COL18A1: variants seen among roughly 807,000 people sequenced by gnomAD.
The protein encoded by COL18A1 is collagen type XVIII alpha 1 chain.
Under a neutral mutation model 168.0 loss-of-function variants are expected in COL18A1, and 133 were observed. The ratio of observed to expected loss-of-function variants is 0.79; its 90% CI spans 0.69 to 0.91. The LOEUF (loss-of-function observed/expected upper bound fraction) is 0.91, where lower values mean the gene tolerates loss of function less well. Ranked by LOEUF, COL18A1 falls within the 40% of genes least tolerant of loss-of-function variation. The pLI, the probability that COL18A1 is intolerant of heterozygous loss-of-function variation, is 0.00. For missense variants in COL18A1, 2,126 were observed against 1,925.4 expected (o/e 1.10, Z -1.95); for synonymous variants, 949 against 809.0 (o/e 1.17, Z -2.94).
chr21:45,430,989 G>T (rs2042772967), intron 2 of COL18A1, among the ~76,000 whole-genome samples: 2 of 152,248 alleles, frequency 1.3e-5, no homozygotes, highest in Non-Finnish European at 2.9e-5. Flanking sequence ...TAAGTCCCGG[G>T]GTGCCCTTGC....
intron 2 of COL18A1, among the ~76,000 whole-genome samples, chr21:45,437,652 G>A (rs1448236360): frequency 3.1e-5 from 1 of 32,558 alleles, no homozygotes; most frequent in Non-Finnish European, 5.1e-5. Flanking sequence ...GCACTCTCCT[G>A]CACACACACA....
chr21:45,428,620 C>A (rs1012718325), intron 2 of COL18A1, among the ~76,000 whole-genome samples: 1 of 152,180 alleles, frequency 6.6e-6, no homozygotes, highest in Non-Finnish European at 1.5e-5. Context: ...TGGGCCATCA[C>A]GCAGCCACCG....
At chr21:45,417,823 G>A in intron 2 of COL18A1, among the ~76,000 whole-genome samples, 1 of 152,250 alleles carries the variant, frequency 6.6e-6, no homozygotes, top group East Asian at 1.9e-4. Flanking sequence ...GCTGCTCTGT[G>A]GAAAACGCTA....
At chr21:45,436,334 C>A (rs770536720) in intron 2 of COL18A1, among the ~76,000 whole-genome samples, 2 of 152,202 alleles carry the variant, frequency 1.3e-5, no homozygotes, top group Non-Finnish European at 2.9e-5. Flanking sequence ...ACCCGGGGCC[C>A]ATCCAGCGTG....
chr21:45,495,017 C>T (rs942690020), intron 28 of COL18A1, 102 bp downstream of exon 28: 53 of 1,027,716 alleles, frequency 5.2e-5, no homozygotes, highest in Admixed American at 4.5e-4. Context: ...AGTGGACGGC[C>T]GCCGCACCCA....
At chr21:45,453,925 C>T (rs902519369) in intron 2 of COL18A1, among the ~76,000 whole-genome samples, 5 of 152,174 alleles carry the variant, frequency 3.3e-5, no homozygotes, top group Admixed American at 1.3e-4. Context: ...ACAGAGCCTT[C>T]GGGATGGGGC....
At position 45,463,184 on chromosome 21, in the gene COL18A1, A is replaced by G. The variant is rs984778059; in HGVS notation, c.107-5058A>G. Among the ~76,000 whole-genome samples the G allele has an allele frequency of 1.3e-5, 2 of 152,246 alleles. No homozygotes were observed. The highest frequency in any genetic ancestry group is 4.8e-5 in the African/African-American group (2 of 41,464). On this transcript the variant is annotated intron_variant, in intron 2 of 41. Coordinates refer to ENST00000651438, the MANE Select transcript of COL18A1 (RefSeq NM_001379500.1). This position sits in a 1 kb window ranked among gnomAD's most constrained non-coding sequence, Gnocchi z 4.0. ...CAGCTTGCAACAACAGAGGGAGTGT[A>G]AAACAATGGCCCCACCTCCCTGTCT...
chr21:45,477,632 C>A, intron 7 of COL18A1, 118 bp from the exon 8 acceptor site: 1 of 1,259,130 alleles, frequency 7.9e-7, no homozygotes, highest in Non-Finnish European at 1.1e-6. Flanking sequence ...TGCGTCCACC[C>A]TGCGTGTCCA....
chr21:45,482,772 T>C (rs1311765165), intron 14 of COL18A1, 23 bp from the exon 15 acceptor site: 1 of 1,614,110 alleles, frequency 6.2e-7, no homozygotes, highest in African/African-American at 1.3e-5. Context: ...GATTTTGTCA[T>C]AATCCTGCTC....
chr21:45,410,846 G>A (rs141586317), intron 2 of COL18A1, among the ~76,000 whole-genome samples: 1 of 152,310 alleles, frequency 6.6e-6, no homozygotes, highest in African/African-American at 2.4e-5. Flanking sequence ...TCTTGGTGGC[G>A]GCTTCACGCC....
At chr21:45,409,041 T>TGGCTGAGCACAGCCTCCAGGCTGG (rs61006361) in intron 2 of COL18A1, among the ~76,000 whole-genome samples, 1 of 151,818 alleles carries the variant, frequency 6.6e-6, no homozygotes, top group African/African-American at 2.4e-5. Context: ...AAGCTGGCTG[T>TGGCTGAGCACAGCCTCCAGGCTGG]GGCTGTGTCT....
chr21:45,503,996 G>C lies in COL18A1; in HGVS notation c.2684-15G>C, dbSNP rs770863635. 1.5e-5 allele frequency: 24 copies of C among 1,613,612 alleles called. No homozygotes were observed. The highest frequency in any genetic ancestry group is 8.8e-5 in the South Asian group (8 of 91,090). On this transcript the variant is annotated splice_polypyrimidine_tract_variant and intron_variant, in intron 32 of 41. Coordinates refer to ENST00000651438, the MANE Select transcript of COL18A1 (RefSeq NM_001379500.1). The stretch of plus-strand genomic sequence containing the variant: ...ACACCACCTCAGCGAGACCCCGCCT[G>C]TCTCTCTCTTGCAGGGCAGTTTCCG...
chr21:45,455,895 G>A lies in COL18A1; in HGVS notation c.107-12347G>A, dbSNP rs745610940. ...ATCCTGAACGTGGCCAAAGGCATCC[G>A]GAGCTTCGTCCAGCTGTGGAATGAC... On this transcript the variant is annotated intron_variant, in intron 2 of 41. Coordinates refer to ENST00000651438, the MANE Select transcript of COL18A1 (RefSeq NM_001379500.1). 1.4e-5 allele frequency: 22 copies of A among 1,613,064 alleles called. No individual in the cohort carries two copies. Among genetic ancestry groups the A allele is most frequent in the Middle Eastern group, 1.6e-4 (1 of 6,062 alleles).
In COL18A1 at chr21:45,509,572, G is replaced by C. The variant is rs754037826; in HGVS notation, c.3466G>C (p.Ala1156Pro). ...LRPARPTSPP[A>P]HSHRDFQPVL... ...GCCGGCGCGACCCACAAGCCCACCCGCCCACAGCCACCGCGACTTCCAGCC... is the reference window on the plus strand; with the variant it reads ...GCCGGCGCGACCCACAAGCCCACCCCCCCACAGCCACCGCGACTTCCAGCC... The change falls in exon 39 of 42, where the codon GCC (alanine) becomes CCC (proline). Residue 1156 changes from alanine (A) to proline (P), a missense_variant. By Grantham distance (27) the Ala-to-Pro change is conservative. Transcript: ENST00000651438. The C allele has an allele frequency of 2.6e-6, 4 of 1,521,136 alleles. No individual in the cohort carries two copies. The highest frequency in any genetic ancestry group is 4.9e-5 in the East Asian group (2 of 40,956). 94.2% of individuals were successfully genotyped at this position (1,521,136 alleles called of 1,614,324 possible).
At chr21:45,491,386 C>A (rs1602540257) in intron 22 of COL18A1, 72 bp downstream of exon 22, 2 of 650,716 alleles carry the variant, frequency 3.1e-6, no homozygotes, top group Non-Finnish European at 5.2e-6. Flanking sequence ...CCTCCCCGAG[C>A]CCCCCCCACA....
intron 2 of COL18A1, among the ~76,000 whole-genome samples, chr21:45,453,190 T>C (rs2034687386): frequency 2.0e-5 from 3 of 151,284 alleles, no homozygotes; most frequent in Admixed American, 2.0e-4. Context: ...TGTGTATGCA[T>C]GTATTCATGT....
At chr21:45,459,055 C>G (rs1219492510) in intron 2 of COL18A1, among the ~76,000 whole-genome samples, 2 of 152,212 alleles carry the variant, frequency 1.3e-5, no homozygotes, top group Non-Finnish European at 2.9e-5. Flanking sequence ...GAGGCCGTGT[C>G]CCGTGCAGGG....
chr21:45,507,346 G>A, intron 37 of COL18A1: 2 of 621,318 alleles, frequency 3.2e-6, no homozygotes, highest in Non-Finnish European at 5.8e-6. Flanking sequence ...GTGCTGGGCA[G>A]GGAGGGCACC....
At chr21:45,492,069 C>CT (rs1339007000) in intron 22 of COL18A1, among the ~76,000 whole-genome samples, 4 of 152,198 alleles carry the variant, frequency 2.6e-5, no homozygotes, top group East Asian at 1.9e-4. Context: ...AGGTGGGACT[C>CT]TAACAGTCTT....
Sources: allele counts gnomAD v4.1 joint callset (sites outside exome capture counted in the v4.1 genomes callset), GRCh38; gene constraint gnomAD v4.1.1; non-coding constraint Gnocchi (gnomAD v3.1); transcripts MANE v1.5; gene names NCBI Gene and HGNC (gene_info 2026-07-23, HGNC 2026-07-21).